The following TRAK1 variants were observed in gnomAD, a reference collection of about 807,000 sequenced individuals.
TRAK1 encodes the protein trafficking kinesin-binding protein 1.
TRAK1 carries 33 observed loss-of-function variants against 92.1 expected under a neutral mutation model. That is an observed-to-expected ratio of 0.36 (90% CI 0.27 to 0.48). The LOEUF is 0.48. TRAK1 is among the 20% of genes least tolerant of loss of function. TRAK1 has a pLI of 0.99. For synonymous variants in TRAK1, 521 were observed against 517.3 expected (o/e 1.01, Z -0.10); for missense variants, 1,123 against 1,257.9 (o/e 0.89, Z 1.62).
intron 14 of TRAK1, chr3:42,218,374 T>C: frequency 1.0e-6 from 1 of 959,946 alleles, no homozygotes; most frequent in Non-Finnish European, 1.2e-6. Flanking sequence ...TGAATCCTCA[T>C]GGCCTCTGAA....
intron 2 of TRAK1, among the ~76,000 whole-genome samples, chr3:42,129,349 C>T (rs866240034): frequency 9.9e-5 from 15 of 152,210 alleles, no homozygotes; most frequent in Middle Eastern, 3.4e-3. Flanking sequence ...CGCTCCCCTA[C>T]GTGAGAAATC....
chr3:42,081,077 A>T lies in TRAK1; in HGVS notation c.-518-6027A>T, dbSNP rs915057928. ...TTTTTTGTAGAGTTAGGGTTCCACC[A>T]TGTTGCCCAGGCTGCTCTTGAACTC... On this transcript the variant is annotated intron_variant, in intron 1 of 16. Transcript: ENST00000487159. Among the ~76,000 whole-genome samples the T allele has an allele frequency of 3.3e-5, 5 of 152,160 alleles. 1 individual carries two copies. The Middle Eastern group carries it at 0.014, about 414-fold the overall frequency.
chr3:42,169,687 A>T (rs1051765964), intron 2 of TRAK1, among the ~76,000 whole-genome samples: 1 of 141,534 alleles, frequency 7.1e-6, no homozygotes, highest in East Asian at 2.1e-4. Context: ...AAAAAAAAAA[A>T]GTGGGGATAA....
chr3:42,080,161 G>A (rs546498955), intron 1 of TRAK1, among the ~76,000 whole-genome samples: 15 of 152,264 alleles, frequency 9.9e-5, no homozygotes, highest in African/African-American at 2.2e-4. Flanking sequence ...TGAGGGTAGC[G>A]GGGAGAAAAT....
At chr3:42,136,645 A>AAAATAAATAAATAAAT (rs1553729334) in intron 2 of TRAK1, among the ~76,000 whole-genome samples, 3 of 136,386 alleles carry the variant, frequency 2.2e-5, no homozygotes, top group East Asian at 2.0e-4. Flanking sequence ...AAATAAATAA[A>AAAATAAATAAATAAAT]AAATAAATAA....
At chr3:42,052,447 C>G (rs1703020541) in intron 1 of TRAK1, among the ~76,000 whole-genome samples, 5 of 152,152 alleles carry the variant, frequency 3.3e-5, no homozygotes, top group Admixed American at 3.3e-4. Flanking sequence ...GGGGTTGCTC[C>G]CACATAGCCT....
chr3:42,211,920 G>T (rs1709092292), intron 14 of TRAK1: 1 of 985,384 alleles, frequency 1.0e-6, no homozygotes, highest in Non-Finnish European at 1.2e-6. Context: ...TAATAAAAAA[G>T]AATTACCTAG....
intron 2 of TRAK1, among the ~76,000 whole-genome samples, chr3:42,128,746 G>A (rs1710914498): frequency 6.6e-6 from 1 of 152,206 alleles, no homozygotes; most frequent in Non-Finnish European, 1.5e-5. Context: ...TTCAGTGGAA[G>A]CAGTTACTTT....
intron 1 of TRAK1, among the ~76,000 whole-genome samples, chr3:42,110,801 G>A (rs973802931): frequency 3.9e-5 from 6 of 152,182 alleles, no homozygotes; most frequent in Admixed American, 2.0e-4. Context: ...GGTCCTGGCC[G>A]CTCTGCTCAG....
chr3:42,187,782 A>G (rs180965053), intron 4 of TRAK1, among the ~76,000 whole-genome samples: 2 of 152,286 alleles, frequency 1.3e-5, no homozygotes, highest in East Asian at 1.9e-4. Flanking sequence ...GCATCATTCT[A>G]GTCCCCTCTC....
At chr3:42,166,279 T>A (rs748228956) in intron 2 of TRAK1, among the ~76,000 whole-genome samples, 3 of 152,130 alleles carry the variant, frequency 2.0e-5, no homozygotes, top group Non-Finnish European at 4.4e-5. Flanking sequence ...CCTCATAGGA[T>A]GGATGTAAAC....
At chr3:42,112,726 ACT>A (rs202115607) in intron 1 of TRAK1, among the ~76,000 whole-genome samples, 6,030 of 108,454 alleles carry the variant, frequency 0.056, 462 homozygotes, top group African/African-American at 0.19. Flanking sequence ...ACAGAGTGAG[ACT>A]CTGTCTCAAA....
At chr3:42,052,125 C>T (rs1245221978) in intron 1 of TRAK1, among the ~76,000 whole-genome samples, 1 of 152,214 alleles carries the variant, frequency 6.6e-6, no homozygotes, top group African/African-American at 2.4e-5. Flanking sequence ...AAAGAAGCAC[C>T]ACCTGGGCGG....
At chr3:42,041,834 G>T (rs1006027621) in intron 1 of TRAK1, among the ~76,000 whole-genome samples, 1 of 147,258 alleles carries the variant, frequency 6.8e-6, no homozygotes, top group African/African-American at 2.5e-5. Flanking sequence ...TCGCTCTGCC[G>T]CCCAGGCTGG....
intron 1 of TRAK1, among the ~76,000 whole-genome samples, chr3:42,111,935 T>C (rs1448672996): frequency 2.7e-5 from 4 of 149,478 alleles, no homozygotes; most frequent in Non-Finnish European, 5.9e-5. Flanking sequence ...TTTTTTCAAA[T>C]CTAGAAAAGA....
intron 1 of TRAK1, among the ~76,000 whole-genome samples, chr3:42,031,321 G>A (rs577091330): frequency 2.0e-5 from 3 of 151,786 alleles, no homozygotes; most frequent in East Asian, 4.0e-4. Context: ...ACAGGCGTGA[G>A]CCACCGTGCC....
At chr3:42,045,809 G>C (rs1156559303) in intron 1 of TRAK1, among the ~76,000 whole-genome samples, 1 of 152,148 alleles carries the variant, frequency 6.6e-6, no homozygotes, top group Non-Finnish European at 1.5e-5. Flanking sequence ...GTGCCATCTG[G>C]CTACCACCCT....
intron 10 of TRAK1, among the ~76,000 whole-genome samples, chr3:42,196,996 T>TCACACA (rs1414110437): frequency 2.2e-5 from 2 of 92,722 alleles, no homozygotes; most frequent in African/African-American, 8.8e-5. Context: ...TCTCTCTCTC[T>TCACACA]CTCTCTCACA....
At chr3:42,157,457 C>CAAAAAAAAA (rs60622565) in intron 2 of TRAK1, among the ~76,000 whole-genome samples, 1,449 of 31,094 alleles carry the variant, frequency 0.047, 444 homozygotes, top group East Asian at 0.059. Context: ...GACCCTGTCT[C>CAAAAAAAAA]AAAAAAAAAA....
Sources: allele counts gnomAD v4.1 joint callset (sites outside exome capture counted in the v4.1 genomes callset), GRCh38; gene constraint gnomAD v4.1.1; transcripts MANE v1.5; gene names NCBI Gene and HGNC (gene_info 2026-07-23, HGNC 2026-07-21).